The following JPH1 variants were observed in gnomAD, a reference collection of about 807,000 sequenced individuals.
The protein encoded by JPH1 is junctophilin-1.
A neutral mutation model predicts 53.6 loss-of-function variants in JPH1; 12 were observed. That is an observed-to-expected ratio of 0.22 (90% confidence interval 0.14 to 0.36). JPH1 has a LOEUF of 0.36. Among genes scored for constraint, JPH1 ranks in the 10% least tolerant of loss-of-function variants. The pLI, the probability that JPH1 is intolerant of heterozygous loss-of-function variation, is 1.00. For synonymous variants in JPH1, 375 were observed against 363.8 expected, an observed-to-expected ratio of 1.03 and a Z score of -0.35; for missense variants, 808 against 905.5, an observed-to-expected ratio of 0.89 and a Z score of 1.38.
chr8:74,311,902 T>G (rs1384014243), intron 2 of JPH1, among the ~76,000 whole-genome samples: 1 of 152,214 alleles, frequency 6.6e-6, no homozygotes, highest in East Asian at 1.9e-4. Flanking sequence ...TGCCACATTT[T>G]CTTAATCCAG....
rs572379101 is a variant in JPH1 at position 74,299,640 on chromosome 8, A to T, written c.1139+15221T>A. Among the ~76,000 whole-genome samples, 15 of 152,334 alleles carry T rather than the reference A, an allele frequency of 9.8e-5. No individual in the cohort carries two copies. The East Asian group carries it at 2.5e-3, about 25-fold the overall frequency. On this transcript the variant is annotated intron_variant, in intron 2 of 5. Transcript: ENST00000342232. ...TGATGTGCGAATTGTTCTTTGCTCA[A>T]TTAAACTCTGTTAAATTTGGCTAAA...
intron 2 of JPH1, among the ~76,000 whole-genome samples, chr8:74,297,926 A>G (rs1807567981): frequency 6.6e-6 from 1 of 152,214 alleles, no homozygotes. Flanking sequence ...TTATAACAAC[A>G]ATTGAACCTT....
intron 5 of JPH1, 68 bp downstream of exon 5, chr8:74,237,140 G>T: frequency 9.6e-7 from 1 of 1,043,834 alleles, no homozygotes; most frequent in Non-Finnish European, 1.4e-6. Flanking sequence ...AAAAAAAATA[G>T]CAAATTTGCA....
chr8:74,318,405 T>C (rs985151211), intron 1 of JPH1, among the ~76,000 whole-genome samples: 2 of 152,170 alleles, frequency 1.3e-5, no homozygotes, highest in East Asian at 1.9e-4. Context: ...TGTGCAAGTA[T>C]GCATCTAGTT....
At chr8:74,312,568 C>T (rs1054940278) in intron 2 of JPH1, among the ~76,000 whole-genome samples, 1 of 152,170 alleles carries the variant, frequency 6.6e-6, no homozygotes, top group African/African-American at 2.4e-5. Context: ...TTCTTAAATG[C>T]AAAATGCAGT....
chr8:74,302,967 A>G (rs1429016858), intron 2 of JPH1, among the ~76,000 whole-genome samples: 3 of 152,200 alleles, frequency 2.0e-5, no homozygotes, highest in East Asian at 1.9e-4. Context: ...AAGAAAAAAA[A>G]AAAAAAAAAC....
In JPH1 at chr8:74,320,080, CAGG is replaced by C. The variant is rs1364729825; in HGVS notation, c.379+826_379+828del. 6.6e-5 allele frequency among the ~76,000 whole-genome samples: 10 copies of C among 152,332 alleles called. No homozygotes were observed. In the East Asian group the frequency reaches 1.9e-3, roughly 29 times the overall value. On this transcript the variant is annotated intron_variant, in intron 1 of 5. Coordinates refer to ENST00000342232, the MANE Select transcript of JPH1 (RefSeq NM_020647.4). The surrounding 1 kb of genome is among the most constrained non-coding windows in gnomAD (Gnocchi z 4.4). ...ATTATTGTTTCAGTATTGCCATTCT[CAGG>C]AGTAGTAGCTGCTAACTTAGCAGCT...
At chr8:74,253,870 A>G (rs1160912709) in intron 3 of JPH1, among the ~76,000 whole-genome samples, 1 of 152,128 alleles carries the variant, frequency 6.6e-6, no homozygotes, top group African/African-American at 2.4e-5. Flanking sequence ...GACTAGACCA[A>G]TAACAGGAGC....
intron 4 of JPH1, 146 bp from the exon 5 acceptor site, chr8:74,237,449 A>T: frequency 7.9e-6 from 5 of 636,026 alleles, no homozygotes; most frequent in Non-Finnish European, 1.4e-5. Flanking sequence ...AAAGGTGTAG[A>T]CTAAAAACGG....
intron 2 of JPH1, among the ~76,000 whole-genome samples, chr8:74,298,783 G>T (rs1474778054): frequency 6.6e-6 from 1 of 152,166 alleles, no homozygotes; most frequent in African/African-American, 2.4e-5. Flanking sequence ...TCAGAAATAT[G>T]AGTAGTCATA....
At chr8:74,261,661 C>T (rs1030721030) in intron 2 of JPH1, among the ~76,000 whole-genome samples, 9 of 152,124 alleles carry the variant, frequency 5.9e-5, no homozygotes, top group Admixed American at 1.3e-4. Flanking sequence ...AGATGCCCTC[C>T]GCTAATGTTC....
intron 2 of JPH1, among the ~76,000 whole-genome samples, chr8:74,290,393 G>A (rs1449763877): frequency 2.0e-5 from 3 of 152,078 alleles, no homozygotes; most frequent in Admixed American, 1.3e-4. Context: ...GCTACAAAGA[G>A]AATAAAATAC....
intron 3 of JPH1, among the ~76,000 whole-genome samples, chr8:74,249,843 G>T (rs1169635905): frequency 2.0e-5 from 3 of 152,074 alleles, no homozygotes; most frequent in African/African-American, 7.2e-5. Flanking sequence ...AGTTAACACT[G>T]GTCCATAATA....
At chr8:74,242,207 A>AAT (rs1805716249) in intron 4 of JPH1, among the ~76,000 whole-genome samples, 1 of 152,234 alleles carries the variant, frequency 6.6e-6, no homozygotes, top group Non-Finnish European at 1.5e-5. Flanking sequence ...GGTGATCCTG[A>AAT]GGATGGATCA....
At chr8:74,255,173 C>G (rs1806182631) in intron 3 of JPH1, among the ~76,000 whole-genome samples, 1 of 152,136 alleles carries the variant, frequency 6.6e-6, no homozygotes, top group East Asian at 1.9e-4. Context: ...ACCAAAACAG[C>G]ATGGTAGTGG....
At chr8:74,288,236 A>G (rs1293464269) in intron 2 of JPH1, among the ~76,000 whole-genome samples, 1 of 152,200 alleles carries the variant, frequency 6.6e-6, no homozygotes, top group Non-Finnish European at 1.5e-5. Flanking sequence ...GACAGGTTTC[A>G]TCTTCCCATC....
At chr8:74,268,699 T>G (rs1806609954) in intron 2 of JPH1, among the ~76,000 whole-genome samples, 1 of 152,178 alleles carries the variant, frequency 6.6e-6, no homozygotes. Flanking sequence ...CCAATGTCAA[T>G]GCTGTTTTTG....
At chr8:74,297,250 C>G (rs943380268) in intron 2 of JPH1, among the ~76,000 whole-genome samples, 1 of 152,212 alleles carries the variant, frequency 6.6e-6, no homozygotes, top group African/African-American at 2.4e-5. Flanking sequence ...GGCAAGGAGT[C>G]CTCTCAAGCA....
intron 2 of JPH1, among the ~76,000 whole-genome samples, chr8:74,276,547 CA>C (rs747570641): frequency 2.6e-4 from 40 of 152,276 alleles, no homozygotes; most frequent in Admixed American, 4.6e-4. Context: ...TAAGTATTGA[CA>C]ATAATGATAA....
Sources: allele counts gnomAD v4.1 joint callset (sites outside exome capture counted in the v4.1 genomes callset), GRCh38; gene constraint gnomAD v4.1.1; non-coding constraint Gnocchi (gnomAD v3.1); transcripts MANE v1.5; gene names NCBI Gene and HGNC (gene_info 2026-07-23, HGNC 2026-07-21).